Variants in TIGD7 observed in about 807,000 individuals in gnomAD.
TIGD7 encodes tigger transposable element-derived protein 7.
TIGD7 carries 26 observed loss-of-function variants against 24.8 expected under a neutral mutation model. The observed-to-expected ratio is 1.05, with a 90% CI of 0.77 to 1.45. The LOEUF (loss-of-function observed/expected upper bound fraction) is 1.45. Ranked by LOEUF, TIGD7 falls within the 40% of genes most tolerant of loss-of-function variation. The pLI is 0.00. For synonymous variants in TIGD7, 221 were observed against 224.1 expected, an observed-to-expected ratio of 0.99 and a Z score of 0.12; for missense variants, 679 against 641.6, an observed-to-expected ratio of 1.06 and a Z score of -0.63.
chr16:3,302,589 G>C (rs549891502), intron 1 of TIGD7, among the ~76,000 whole-genome samples: 7 of 152,174 alleles, frequency 4.6e-5, no homozygotes, highest in African/African-American at 1.4e-4. Flanking sequence ...GGCAGGCTAC[G>C]ATCAAGCAAC....
At chr16:3,304,667 T>A (rs1171661756) in intron 1 of TIGD7, 1 of 152,182 alleles carries the variant, frequency 6.6e-6, no homozygotes, top group Admixed American at 6.5e-5. Context: ...CAGACTGACA[T>A]TACAAAAACG....
At chr16:3,302,289 G>A (rs1386126998) in intron 1 of TIGD7, among the ~76,000 whole-genome samples, 1 of 152,036 alleles carries the variant, frequency 6.6e-6, no homozygotes, top group Admixed American at 6.6e-5. Context: ...CACCACACCC[G>A]GCTAATTTTT....
Position 3,300,449 on chromosome 16 carries a change from C to T in TIGD7, c.166G>A (p.Val56Ile), listed in dbSNP as rs747677804. The change falls in exon 2 of 2, where the codon GTA becomes ATA. Residue 56 changes from valine to isoleucine, a missense_variant. Transcript: ENST00000396862. ...KKNKKLILDFVLKQDMPLVGA... is the reference protein window; with the variant it reads ...KKNKKLILDFILKQDMPLVGA... ...ACTAATGGCATGTCCTGCTTCAGTACAAAGTCCAGAATTAACTTCTTATTT... is the reference window on the plus strand; with the variant it reads ...ACTAATGGCATGTCCTGCTTCAGTATAAAGTCCAGAATTAACTTCTTATTT... The T allele has an allele frequency of 6.2e-6, 10 of 1,614,178 alleles. No individual in the cohort carries two copies. The South Asian group carries it at 1.1e-4, about 18-fold the overall frequency.
Position 3,300,082 on chromosome 16 carries a change from T to A in TIGD7, c.533A>T (p.Asp178Val), listed in dbSNP as rs1352700639. 1 of 1,614,074 alleles carries A rather than the reference T, an allele frequency of 6.2e-7. No homozygotes were observed. Among genetic ancestry groups the A allele is most frequent in the African/African-American group, 1.3e-5 (1 of 74,916 alleles). The change falls in exon 2 of 2, where the codon GAT (aspartate) becomes GTT (valine). Residue 178 changes from aspartate (D) to valine (V), a missense_variant. Physicochemically the swap from Asp to Val is radical, Grantham distance 152. Coordinates refer to ENST00000396862, the MANE Select transcript of TIGD7 (RefSeq NM_033208.4). ...TGACTTCCAAAAGAGGTCTGTTTCA[T>A]CCCCACTGTATAGCTGAGCTAGACA... is the stretch of plus-strand genomic sequence containing the variant. Reference protein sequence around the residue: ...KLCLAQLYSGDETDLFWKSMP... With the variant: ...KLCLAQLYSGVETDLFWKSMP...
In TIGD7 at chr16:3,300,733, G is replaced by C; in HGVS notation, c.-119C>G. 1 of 1,451,792 alleles carries C rather than the reference G, an allele frequency of 6.9e-7. No individual in the cohort carries two copies. Among genetic ancestry groups the C allele is most frequent in the Non-Finnish European group, 9.1e-7 (1 of 1,099,824 alleles). The allele number at this position is 1,451,792 out of a possible 1,614,324, so 89.9% of individuals were successfully genotyped here. A position where few individuals can be genotyped will look rare whatever the true frequency, so the allele number is the denominator to read the frequency against. On this transcript the variant is annotated 5_prime_UTR_variant, in exon 2 of 2. Transcript: ENST00000396862. Reference sequence around the variant, plus strand: ...TTAGCTGAAAGCCCCAGAAGGCATGGGCATTGTATTGGAGGATAATGGACT... The same window carrying C: ...TTAGCTGAAAGCCCCAGAAGGCATGCGCATTGTATTGGAGGATAATGGACT...
Position 3,299,404 on chromosome 16 carries a change from T to C in TIGD7, c.1211A>G (p.Tyr404Cys). 6.4e-7 allele frequency: 1 copy of C among 1,555,682 alleles called. No individual in the cohort carries two copies. Among genetic ancestry groups the C allele is most frequent in the Non-Finnish European group, 8.7e-7 (1 of 1,152,696 alleles). ...AAAATCATATTCAGGTTCCTTTTTG[T>C]AAAGAAGATTTTCCCATGCATTTGC... is the stretch of plus-strand genomic sequence containing the variant. ...TIANAWENLL[Y>C]KKEPEYDFQG... Residue 404 changes from tyrosine (Y) to cysteine (C), a missense_variant, in exon 2 of 2, where the codon TAC becomes TGC. Tyr to Cys is a radical substitution (Grantham distance 194). Coordinates refer to ENST00000396862, the MANE Select transcript of TIGD7 (RefSeq NM_033208.4).
intron 1 of TIGD7, among the ~76,000 whole-genome samples, chr16:3,304,478 A>G (rs1040679483): frequency 2.0e-5 from 3 of 152,172 alleles, no homozygotes; most frequent in Admixed American, 1.3e-4. Context: ...TATTCACGAA[A>G]TTGCTCAGTC....
At chr16:3,302,893 A>G (rs912220750) in intron 1 of TIGD7, among the ~76,000 whole-genome samples, 13 of 139,808 alleles carry the variant, frequency 9.3e-5, no homozygotes, top group African/African-American at 3.0e-4. Context: ...GCTGGAGTGC[A>G]GTGACACAAT....
chr16:3,302,578 T>C (rs774075541), intron 1 of TIGD7, among the ~76,000 whole-genome samples: 1 of 152,204 alleles, frequency 6.6e-6, no homozygotes, highest in Non-Finnish European at 1.5e-5. Context: ...GTGGAGCCAA[T>C]GGCAGGCTAC....
Position 3,301,378 on chromosome 16 carries a change from A to C in TIGD7, c.-764T>G, listed in dbSNP as rs1275623991. ...ATGAAATCCAACTTTTATTGCATTC[A>C]ATATAGTATTGTCAAGCACCGTGCT... On this transcript the variant is annotated 5_prime_UTR_variant, in exon 2 of 2. It adds an upstream start codon to the 5' untranslated region. Coordinates refer to ENST00000396862, the MANE Select transcript of TIGD7 (RefSeq NM_033208.4). 6.0e-6 allele frequency: 1 copy of C among 167,112 alleles called. No homozygotes were observed. The highest frequency in any genetic ancestry group is 1.5e-5 in the Non-Finnish European group (1 of 68,126). The allele number at this position is 167,112 out of a possible 1,614,324, so 10.4% of individuals were successfully genotyped here.
At chr16:3,304,942 T>C (rs1037196099) in intron 1 of TIGD7, 1 of 152,186 alleles carries the variant, frequency 6.6e-6, no homozygotes, top group Non-Finnish European at 1.5e-5. Context: ...GGTCTCCGTT[T>C]CTCTGTCAAG....
rs1408405916 is a variant in TIGD7 at position 3,299,923 on chromosome 16, T to C, written c.692A>G (p.Lys231Arg). ...THKLKSIIIG[K>R]SKLPKSVKED... ...TTTCACACTTTTGGGCAGTTTTGATTTTCCAATAATGATTGACTTTAATTT... is the reference window on the plus strand; with the variant it reads ...TTTCACACTTTTGGGCAGTTTTGATCTTCCAATAATGATTGACTTTAATTT... The change falls in exon 2 of 2, where the codon AAA (lysine) becomes AGA (arginine). Residue 231 changes from lysine (K) to arginine (R), a missense_variant. Physicochemically the swap from Lys to Arg is conservative, Grantham distance 26. Coordinates refer to ENST00000396862, the MANE Select transcript of TIGD7 (RefSeq NM_033208.4). 7 of 1,612,390 alleles carry C rather than the reference T, an allele frequency of 4.3e-6. No homozygotes were observed. Among genetic ancestry groups the C allele is most frequent in the Non-Finnish European group, 5.9e-6 (7 of 1,179,294 alleles).
In TIGD7 at chr16:3,299,963, C is replaced by A. The variant is rs965632256; in HGVS notation, c.652G>T (p.Ala218Ser). ...GACTTTAATTTATGAGTTCCGTCTG[C>A]ATTTGCACATAAAAAGGCAGACAAC... ...ERLSAFLCAN[A>S]DGTHKLKSII... Residue 218 changes from alanine to serine, a missense_variant, in exon 2 of 2, where the codon GCA becomes TCA. Physicochemically the swap from Ala to Ser is moderately conservative, Grantham distance 99. Transcript: ENST00000396862. 7.4e-6 allele frequency: 12 copies of A among 1,613,828 alleles called. No homozygotes were observed. Among genetic ancestry groups the A allele is most frequent in the Non-Finnish European group, 9.3e-6 (11 of 1,179,974 alleles).
At chr16:3,302,988 C>T (rs1170838587) in intron 1 of TIGD7, among the ~76,000 whole-genome samples, 5 of 152,058 alleles carry the variant, frequency 3.3e-5, no homozygotes, top group African/African-American at 1.2e-4. Context: ...CAGGCACGCA[C>T]CACCATGCCC....
Position 3,299,267 on chromosome 16 carries a change from G to A in TIGD7, c.1348C>T (p.Leu450Phe). Reference sequence around the variant, plus strand: ...GTTATTCCACCTTTGGTTTTTAGGAGACAACCCTTTTCTTCATCTCCATTT... The same window carrying A: ...GTTATTCCACCTTTGGTTTTTAGGAAACAACCCTTTTCTTCATCTCCATTT... ...WLNGDEEKGC[L>F]LKTKGGITKE... Residue 450 changes from leucine to phenylalanine, a missense_variant, in exon 2 of 2, where the codon CTC (leucine) becomes TTC (phenylalanine). By Grantham distance (22) the Leu-to-Phe change is conservative. Transcript: ENST00000396862. The A allele has an allele frequency of 6.2e-7, 1 of 1,610,838 alleles. No individual in the cohort carries two copies. Among genetic ancestry groups the A allele is most frequent in the Non-Finnish European group, 8.5e-7 (1 of 1,179,032 alleles).
In TIGD7 at chr16:3,300,683, A is replaced by C. The variant is rs1047693840; in HGVS notation, c.-69T>G. On this transcript the variant is annotated 5_prime_UTR_variant, in exon 2 of 2. Transcript: ENST00000396862. Reference sequence around the variant, plus strand: ...AAAGCCTTAATGAATTGGCAAAAAAAAAACCCACATTTTTTAAACAAAACT... The same window carrying C: ...AAAGCCTTAATGAATTGGCAAAAAACAAACCCACATTTTTTAAACAAAACT... 3.4e-5 allele frequency: 51 copies of C among 1,515,712 alleles called. 1 individual carries two copies. In the African/African-American group the frequency reaches 6.4e-4, roughly 19 times the overall value. 93.9% of individuals were successfully genotyped at this position (1,515,712 alleles called of 1,614,324 possible).
chr16:3,299,386 T>C lies in TIGD7; in HGVS notation c.1229A>G (p.Tyr410Cys). The part of the protein sequence containing the change: ...ENLLYKKEPE[Y>C]DFQGLEHGDY... ...CCCATGTTCTAAGCCTTGAAAATCA[T>C]ATTCAGGTTCCTTTTTGTAAAGAAG... The change falls in exon 2 of 2, where the codon TAT (tyrosine) becomes TGT (cysteine). Residue 410 changes from tyrosine to cysteine, a missense_variant. Tyr to Cys is a radical substitution (Grantham distance 194). Coordinates refer to ENST00000396862, the MANE Select transcript of TIGD7 (RefSeq NM_033208.4). The C allele has an allele frequency of 1.3e-6, 2 of 1,557,678 alleles. No individual in the cohort carries two copies. Among genetic ancestry groups the C allele is most frequent in the Non-Finnish European group, 8.7e-7 (1 of 1,154,150 alleles).
In TIGD7 at chr16:3,300,378, A is replaced by G; in HGVS notation, c.237T>C (p.Asp79=). The change falls in exon 2 of 2, where the codon GAT becomes GAC. Residue 79 remains aspartate, a synonymous_variant. Coordinates refer to ENST00000396862, the MANE Select transcript of TIGD7 (RefSeq NM_033208.4). ...RKRTTGAKYG[D]VDDAVYMWYQ... Reference sequence around the variant, plus strand: ...ACCACATGTAGACCGCATCATCTACATCACCATATTTGGCTCCCGTTGTCC... The same window carrying G: ...ACCACATGTAGACCGCATCATCTACGTCACCATATTTGGCTCCCGTTGTCC... 6.2e-7 allele frequency: 1 copy of G among 1,614,222 alleles called. No individual in the cohort carries two copies. The highest frequency in any genetic ancestry group is 8.5e-7 in the Non-Finnish European group (1 of 1,180,038).
In TIGD7 at chr16:3,300,409, C is replaced by A. The variant is rs373933321; in HGVS notation, c.206G>T (p.Arg69Ile). ...QDMPLVGAEKRKRTTGAKYGD... is the reference protein window; with the variant it reads ...QDMPLVGAEKIKRTTGAKYGD... ...ATATTTGGCTCCCGTTGTCCTCTTT[C>A]TCTTCTCAGCCCCTACTAATGGCAT... The change falls in exon 2 of 2, where the codon AGA becomes ATA. Residue 69 changes from arginine to isoleucine, a missense_variant. By Grantham distance (97) the Arg-to-Ile change is moderately conservative. Transcript: ENST00000396862. The A allele has an allele frequency of 1.9e-5, 31 of 1,614,112 alleles. No homozygotes were observed. The highest frequency in any genetic ancestry group is 2.5e-5 in the Non-Finnish European group (29 of 1,180,054).
Sources: gnomAD v4.1 joint callset for allele counts (sites outside exome capture counted in the v4.1 genomes callset) on GRCh38, gnomAD v4.1.1 for gene constraint, MANE v1.5 for transcripts, NCBI Gene and HGNC (gene_info 2026-07-23, HGNC 2026-07-21) for gene names.